ATL2: variants seen among roughly 807,000 people sequenced by gnomAD.
The protein encoded by ATL2 is atlastin-2.
Under a neutral mutation model 73.9 loss-of-function variants are expected in ATL2, and 31 were observed. The ratio of observed to expected loss-of-function variants is 0.42; its 90% CI spans 0.32 to 0.57. The LOEUF is 0.57. ATL2 is among the 20% of genes least tolerant of loss of function. ATL2 has a pLI of 0.14. For missense variants in ATL2, 738 were observed against 702.6 expected, an observed-to-expected ratio of 1.05 and a Z score of -0.57; for synonymous variants, 291 against 237.5, an observed-to-expected ratio of 1.23 and a Z score of -2.07.
intron 1 of ATL2, among the ~76,000 whole-genome samples, chr2:38,362,263 A>C (rs1012544798): frequency 4.6e-5 from 7 of 152,232 alleles, no homozygotes; most frequent in Non-Finnish European, 8.8e-5. Flanking sequence ...AAACTAGAGC[A>C]ACCAAAATAA....
At position 38,298,298 on chromosome 2, in the gene ATL2, CCAGT is replaced by C; in HGVS notation, c.1474_1477del (p.Thr492AlafsTer5). ...AGCTATAGAGTTTAGGCCAATGAAG[CCAGT>C]CAGTCCTGAGATTATATACATAGCA... On this transcript the variant is annotated frameshift_variant, in exon 12 of 13. Transcript: ENST00000378954. LOFTEE classifies it high-confidence loss of function. 6.2e-7 allele frequency: 1 copy of C among 1,614,100 alleles called. No homozygotes were observed. The highest frequency in any genetic ancestry group is 8.5e-7 in the Non-Finnish European group (1 of 1,179,992).
chr2:38,334,043 T>C (rs1669157422), intron 2 of ATL2, among the ~76,000 whole-genome samples: 1 of 149,778 alleles, frequency 6.7e-6, no homozygotes, highest in South Asian at 2.1e-4. Context: ...TTTTTTTTTT[T>C]TTTTGAGACA....
chr2:38,353,317 T>A (rs1252295871), intron 1 of ATL2, among the ~76,000 whole-genome samples: 3 of 152,044 alleles, frequency 2.0e-5, no homozygotes, highest in Admixed American at 6.6e-5. Flanking sequence ...TAAAATGAAA[T>A]ACTCACTGGA....
At chr2:38,304,402 C>T (rs898947496) in intron 9 of ATL2, among the ~76,000 whole-genome samples, 1 of 152,134 alleles carries the variant, frequency 6.6e-6, no homozygotes, top group African/African-American at 2.4e-5. Flanking sequence ...AAAGAGAGTT[C>T]TTCAATCTGA....
In ATL2 at chr2:38,342,687, G is replaced by C. The variant is rs753933631; in HGVS notation, c.363+581C>G. ...TACTCACTGTAAAGGTGGCCAAAAG[G>C]AAAGTGTGAAGAAGTAACAAAAAGG... is the stretch of plus-strand genomic sequence containing the variant. On this transcript the variant is annotated intron_variant, in intron 2 of 12. Coordinates refer to ENST00000378954, the MANE Select transcript of ATL2 (RefSeq NM_001135673.4). Among the ~76,000 whole-genome samples, 57 of 152,210 alleles carry C rather than the reference G, an allele frequency of 3.7e-4. 1 individual carries two copies. Among genetic ancestry groups the C allele is most frequent in the Middle Eastern group, 3.4e-3 (1 of 294 alleles).
chr2:38,366,085 T>G (rs1671314254), intron 1 of ATL2, among the ~76,000 whole-genome samples: 1 of 145,834 alleles, frequency 6.9e-6, no homozygotes, highest in African/African-American at 2.5e-5. Context: ...CTAGATAAAA[T>G]GTGACTAATT....
intron 1 of ATL2, among the ~76,000 whole-genome samples, chr2:38,372,022 T>A (rs1195203777): frequency 6.6e-6 from 1 of 152,134 alleles, no homozygotes; most frequent in Non-Finnish European, 1.5e-5. Flanking sequence ...TAAAGATGGA[T>A]GTAGTTCTAA....
At chr2:38,296,782 C>A in intron 12 of ATL2, 1 of 1,533,118 alleles carries the variant, frequency 6.5e-7, no homozygotes, top group Non-Finnish European at 8.8e-7. Flanking sequence ...AGCTGATTAC[C>A]TTACCTAAAC....
intron 1 of ATL2, among the ~76,000 whole-genome samples, chr2:38,370,150 CAAAAAAA>C (rs962952444): frequency 2.7e-4 from 12 of 43,922 alleles, no homozygotes; most frequent in Middle Eastern, 0.013. Context: ...GAGACTCCGT[CAAAAAAA>C]AAAAAAAAAA....
intron 2 of ATL2, among the ~76,000 whole-genome samples, chr2:38,321,919 C>T (rs1668344597): frequency 6.6e-6 from 1 of 151,962 alleles, no homozygotes; most frequent in South Asian, 2.1e-4. Flanking sequence ...CGCCACGTTG[C>T]CCAGGCTGAT....
chr2:38,369,283 T>G (rs1671526595), intron 1 of ATL2, among the ~76,000 whole-genome samples: 1 of 150,304 alleles, frequency 6.7e-6, no homozygotes, highest in Non-Finnish European at 1.5e-5. Flanking sequence ...AACCCCCATC[T>G]CTACTAAAAA....
chr2:38,337,743 T>C (rs1007513748), intron 2 of ATL2, among the ~76,000 whole-genome samples: 14 of 151,950 alleles, frequency 9.2e-5, no homozygotes, highest in African/African-American at 3.4e-4. Flanking sequence ...GTGCTAAAAA[T>C]TGTTTAGTAT....
chr2:38,336,522 C>T (rs1669365333), intron 2 of ATL2, among the ~76,000 whole-genome samples: 1 of 152,144 alleles, frequency 6.6e-6, no homozygotes, highest in Admixed American at 6.5e-5. Context: ...CAGTCTAGTT[C>T]AACTCTGAAG....
At chr2:38,346,703 G>C (rs1240537625) in intron 1 of ATL2, among the ~76,000 whole-genome samples, 3 of 152,222 alleles carry the variant, frequency 2.0e-5, no homozygotes, top group Non-Finnish European at 4.4e-5. Context: ...CCATGGGTCT[G>C]ACAGGAGGCG....
chr2:38,369,141 AG>A (rs537701763), intron 1 of ATL2, among the ~76,000 whole-genome samples: 2 of 152,178 alleles, frequency 1.3e-5, no homozygotes, highest in South Asian at 4.1e-4. Context: ...GAATGGATCT[AG>A]CTTTTTCTTG....
chr2:38,373,231 A>T (rs922220242), intron 1 of ATL2, among the ~76,000 whole-genome samples: 1 of 152,196 alleles, frequency 6.6e-6, no homozygotes, highest in African/African-American at 2.4e-5. Context: ...TTGCCGCCAC[A>T]ATCAGAGCAT....
chr2:38,315,234 A>G (rs760018614), intron 5 of ATL2, 50 bp downstream of exon 5: 2 of 1,409,312 alleles, frequency 1.4e-6, no homozygotes, highest in Non-Finnish European at 1.8e-6. Flanking sequence ...CTGGGGAACA[A>G]GAGCGAAACT....
rs766009082 is a variant in ATL2, at chr2:38,343,293, A to T, written c.338T>A (p.Phe113Tyr). 5 of 1,610,374 alleles carry T rather than the reference A, an allele frequency of 3.1e-6. No individual in the cohort carries two copies. The highest frequency in any genetic ancestry group is 4.2e-6 in the Non-Finnish European group (5 of 1,179,042). Residue 113 changes from phenylalanine (F) to tyrosine (Y), a missense_variant, in exon 2 of 13, where the codon TTC (phenylalanine) becomes TAC (tyrosine). Transcript: ENST00000378954. ...FRKGKSFLLD[F>Y]MLRYMYNKDS... ...CTTGTTATACATGTATCTAAGCATG[A>T]AGTCCAGTAGAAATGACTTCCCTTT...
chr2:38,315,265 T>TA lies in ATL2; in HGVS notation c.654+18dup. On this transcript the variant is annotated intron_variant, in intron 5 of 12. Coordinates refer to ENST00000378954, the MANE Select transcript of ATL2 (RefSeq NM_001135673.4). ...AAACTCCATCTCAAAAAATAAAAAT[T>TA]AAAAAAAGAAATACGTACTTGCAAA... is the stretch of plus-strand genomic sequence containing the variant. The TA allele has an allele frequency of 1.4e-6, 2 of 1,474,910 alleles. No individual in the cohort carries two copies. Among genetic ancestry groups the TA allele is most frequent in the South Asian group, 1.4e-5 (1 of 69,916 alleles). The allele number at this position is 1,474,910 out of a possible 1,614,324, so 91.4% of individuals were successfully genotyped here.
Sources: gnomAD v4.1 joint callset for allele counts (sites outside exome capture counted in the v4.1 genomes callset) on GRCh38, gnomAD v4.1.1 for gene constraint, MANE v1.5 for transcripts, NCBI Gene and HGNC (gene_info 2026-07-23, HGNC 2026-07-21) for gene names.